Variants in PAM observed in about 807,000 individuals in gnomAD.
PAM encodes peptidyl-glycine alpha-amidating monooxygenase.
A neutral mutation model predicts 122.1 loss-of-function variants in PAM; 72 were observed. The observed-to-expected ratio is 0.59, with a 90% CI of 0.49 to 0.72. The LOEUF (loss-of-function observed/expected upper bound fraction) is 0.72. Ranked by LOEUF, PAM falls within the 30% of genes least tolerant of loss-of-function variation. The pLI is 0.00. For missense variants in PAM, 1,106 were observed against 1,183.7 expected (o/e 0.93, Z 0.96); for synonymous variants, 389 against 404.4 (o/e 0.96, Z 0.46).
At chr5:102,932,569 A>C (rs532908795) in intron 7 of PAM, among the ~76,000 whole-genome samples, 1 of 149,238 alleles carries the variant, frequency 6.7e-6, no homozygotes, top group African/African-American at 2.5e-5. Context: ...GTATGTATAG[A>C]TATATATACA....
intron 23 of PAM, among the ~76,000 whole-genome samples, chr5:103,021,788 A>G (rs1257261430): frequency 3.3e-5 from 5 of 152,178 alleles, no homozygotes; most frequent in Non-Finnish European, 7.4e-5. Context: ...CAATATCTTG[A>G]AACTTAATTC....
rs772872132 is a variant in PAM, at chr5:102,949,564, A to G, written c.671A>G (p.Tyr224Cys). 3 of 1,550,902 alleles carry G rather than the reference A, an allele frequency of 1.9e-6. No homozygotes were observed. Among genetic ancestry groups the G allele is most frequent in the African/African-American group, 2.7e-5 (2 of 73,694 alleles). ...KVVNSDISCH[Y>C]KNYPMHVFAY... ...GTGAATTCTGACATTTCATGCCATT[A>G]TAAAAATTATCCAATGCATGTCTTT... is the stretch of plus-strand genomic sequence containing the variant. Residue 224 changes from tyrosine (Y) to cysteine (C), a missense_variant, in exon 10 of 26, where the codon TAT (tyrosine) becomes TGT (cysteine). By Grantham distance (194) the Tyr-to-Cys change is radical. This residue lies in a region of PAM where 670 missense variants were observed against 690.3 expected (regional missense o/e 0.97). Coordinates refer to ENST00000438793, the MANE Select transcript of PAM (RefSeq NM_001177306.2).
intron 1 of PAM, chr5:102,865,390 C>T (rs1029576517): frequency 1.3e-5 from 2 of 152,288 alleles, no homozygotes; most frequent in African/African-American, 2.4e-5. Context: ...TTTGTCTTTG[C>T]CTCTCTTCGT....
chr5:102,849,555 C>CAAA lies in PAM; in HGVS notation c.-373-16252_-373-16250dup, dbSNP rs538988180. Reference sequence around the variant, plus strand: ...CCTGGGTGACAGAGCAAGACTGTCTCAAAAAAAAAAAAAAAAAAGGAAAAA... The same window carrying CAAA: ...CCTGGGTGACAGAGCAAGACTGTCTCAAAAAAAAAAAAAAAAAAAAAGGAAAAA... On this transcript the variant is annotated intron_variant, in intron 1 of 25. Transcript: ENST00000438793. Among the ~76,000 whole-genome samples the CAAA allele has an allele frequency of 1.5e-3, 112 of 73,498 alleles. 1 individual carries two copies. The highest frequency in any genetic ancestry group is 4.4e-3 in the African/African-American group (106 of 24,352). 48.2% of individuals were successfully genotyped at this position (73,498 alleles called of 152,430 possible). A position where few individuals can be genotyped will look rare whatever the true frequency, so the allele number is the denominator to read the frequency against.
chr5:103,029,200 T>C lies in PAM; in HGVS notation c.*135T>C. ...GTGGGACTGTACACACTTTATTTAC[T>C]TCGTTTTGGTTAAGTTGGCTTCTGT... On this transcript the variant is annotated 3_prime_UTR_variant, in exon 26 of 26. Transcript: ENST00000438793. The C allele has an allele frequency of 1.7e-6, 1 of 598,202 alleles. No homozygotes were observed. The highest frequency in any genetic ancestry group is 2.6e-6 in the Non-Finnish European group (1 of 388,048). The allele number at this position is 598,202 out of a possible 1,614,324, so 37.1% of individuals were successfully genotyped here.
intron 15 of PAM, among the ~76,000 whole-genome samples, chr5:102,981,121 A>T (rs895590617): frequency 2.2e-4 from 33 of 152,328 alleles, no homozygotes; most frequent in African/African-American, 7.5e-4. Flanking sequence ...CTATGCGTCC[A>T]TATTTTTTTG....
At chr5:102,912,080 A>C (rs1801580676) in intron 4 of PAM, among the ~76,000 whole-genome samples, 1 of 152,026 alleles carries the variant, frequency 6.6e-6, no homozygotes, top group Non-Finnish European at 1.5e-5. Context: ...TGCTTGAAAC[A>C]TTGTTTTGCA....
chr5:102,869,698 G>T (rs1786755757), intron 3 of PAM, among the ~76,000 whole-genome samples: 1 of 152,174 alleles, frequency 6.6e-6, no homozygotes, highest in South Asian at 2.1e-4. Context: ...GGTGGATACA[G>T]AACCTTCAGA....
At chr5:102,945,444 T>C (rs906804574) in intron 7 of PAM, among the ~76,000 whole-genome samples, 3 of 151,778 alleles carry the variant, frequency 2.0e-5, no homozygotes, top group Admixed American at 1.3e-4. Context: ...CTATAGTTCA[T>C]ATAGCTTATA....
At chr5:102,804,786 G>A (rs1182957428) in intron 1 of PAM, among the ~76,000 whole-genome samples, 5 of 152,144 alleles carry the variant, frequency 3.3e-5, no homozygotes, top group Admixed American at 3.3e-4. Context: ...CCAGAAGAAT[G>A]GCCGCTGTAG....
At chr5:102,913,218 GATA>G (rs1476590801) in intron 4 of PAM, among the ~76,000 whole-genome samples, 2 of 151,990 alleles carry the variant, frequency 1.3e-5, no homozygotes, top group East Asian at 1.9e-4. Flanking sequence ...GGAGTTCATA[GATA>G]ATAATATATT....
intron 1 of PAM, among the ~76,000 whole-genome samples, chr5:102,843,090 C>T (rs1413337447): frequency 6.6e-6 from 1 of 152,150 alleles, no homozygotes; most frequent in African/African-American, 2.4e-5. Context: ...GTATCCTAAC[C>T]TAAAGCCTAA....
intron 3 of PAM, among the ~76,000 whole-genome samples, chr5:102,888,273 TC>T (rs1465967535): frequency 6.6e-6 from 1 of 151,926 alleles, no homozygotes; most frequent in Non-Finnish European, 1.5e-5. Context: ...CAGCAACACT[TC>T]CTGGTCTGTT....
intron 7 of PAM, among the ~76,000 whole-genome samples, chr5:102,936,112 G>C (rs1394541765): frequency 6.6e-6 from 1 of 152,082 alleles, no homozygotes; most frequent in Non-Finnish European, 1.5e-5. Flanking sequence ...ATTTGCATCT[G>C]TTGTATCTGT....
intron 1 of PAM, among the ~76,000 whole-genome samples, chr5:102,848,193 T>C (rs1304952726): frequency 1.3e-5 from 2 of 152,164 alleles, no homozygotes; most frequent in Non-Finnish European, 2.9e-5. Flanking sequence ...GCAGAAGTCA[T>C]AGAACTTGAC....
intron 15 of PAM, among the ~76,000 whole-genome samples, chr5:102,986,300 C>CT (rs1431738236): frequency 2.0e-5 from 3 of 152,134 alleles, no homozygotes; most frequent in Non-Finnish European, 2.9e-5. Context: ...ATTAGTCCCT[C>CT]TTTGTAGATG....
chr5:103,006,934 A>G lies in PAM; in HGVS notation c.1937A>G (p.Tyr646Cys). ...GTGGATCCAGGCACTGGAGCCATTT[A>G]TGTATCAGATGGTTACTGCAACAGC... Reference protein sequence around the residue: ...VAVDPGTGAIYVSDGYCNSRI... With the variant: ...VAVDPGTGAICVSDGYCNSRI... Residue 646 changes from tyrosine to cysteine, a missense_variant, in exon 19 of 26, where the codon TAT becomes TGT. Around this residue, in one of 3 missense-constraint regions of PAM, gnomAD observed 103 missense variants for 157.9 expected, o/e 0.65. Coordinates refer to ENST00000438793, the MANE Select transcript of PAM (RefSeq NM_001177306.2). The G allele has an allele frequency of 1.9e-6, 3 of 1,614,036 alleles. No individual in the cohort carries two copies. Among genetic ancestry groups the G allele is most frequent in the Non-Finnish European group, 2.5e-6 (3 of 1,179,962 alleles).
intron 1 of PAM, among the ~76,000 whole-genome samples, chr5:102,761,727 T>G (rs1353272287): frequency 6.6e-6 from 1 of 152,244 alleles, no homozygotes; most frequent in Non-Finnish European, 1.5e-5. Context: ...AATTTATTAT[T>G]TTTAAGCACT....
At chr5:102,821,044 T>A (rs987071358) in intron 1 of PAM, among the ~76,000 whole-genome samples, 3 of 152,140 alleles carry the variant, frequency 2.0e-5, no homozygotes, top group Non-Finnish European at 4.4e-5. Context: ...AGAAGGAACA[T>A]AGTATGAATA....
Sources: gnomAD v4.1 joint callset for allele counts (sites outside exome capture counted in the v4.1 genomes callset) on GRCh38, gnomAD v4.1.1 for gene constraint, gnomAD v4.1.1 regional missense constraint, MANE v1.5 for transcripts, NCBI Gene and HGNC (gene_info 2026-07-23, HGNC 2026-07-21) for gene names.